The following DST variants were observed in gnomAD, a reference collection of about 807,000 sequenced individuals.
DST encodes the protein bullous pemphigoid antigen.
Under a neutral mutation model 875.2 loss-of-function variants are expected in DST, and 253 were observed. The ratio of observed to expected loss-of-function variants is 0.29; its 90% CI spans 0.26 to 0.32. The LOEUF (loss-of-function observed/expected upper bound fraction) is 0.32, where lower values mean the gene tolerates loss of function less well. Ranked by LOEUF, DST falls within the 10% of genes least tolerant of loss-of-function variation. The pLI is 1.00. For synonymous variants in DST, 3,124 were observed against 3,197.1 expected, an observed-to-expected ratio of 0.98 and a Z score of 0.77; for missense variants, 8,287 against 9,111.6, an observed-to-expected ratio of 0.91 and a Z score of 3.68.
intron 2 of DST, among the ~76,000 whole-genome samples, chr6:56,901,331 C>T (rs1032461636): frequency 6.6e-6 from 1 of 152,236 alleles, no homozygotes; most frequent in South Asian, 2.1e-4. Context: ...CACAATGGCT[C>T]ACGCCTGTAA....
At chr6:56,859,477 G>A (rs766222884) in intron 3 of DST, among the ~76,000 whole-genome samples, 19 of 152,008 alleles carry the variant, frequency 1.2e-4, no homozygotes, top group Non-Finnish European at 2.4e-4. Flanking sequence ...TTACATTTGA[G>A]TATCTACAAA....
chr6:56,492,224 T>C lies in DST; in HGVS notation c.20757+3A>G. 1.9e-6 allele frequency: 3 copies of C among 1,613,302 alleles called. No individual in the cohort carries two copies. The highest frequency in any genetic ancestry group is 2.5e-6 in the Non-Finnish European group (3 of 1,179,482). On this transcript the variant is annotated splice_donor_region_variant and intron_variant, in intron 85 of 103. Transcript: ENST00000680361. The stretch of plus-strand genomic sequence containing the variant: ...TCAGAGAATTTTTCTAAAGGGTTAT[T>C]ACCTGCTTGGCTCTCTTCCTTGCAT...
In DST at chr6:56,551,667, C is replaced by T. The variant is rs370552036; in HGVS notation, c.16608+517G>A. On this transcript the variant is annotated intron_variant, in intron 61 of 103. Coordinates refer to ENST00000680361, the MANE Select transcript of DST (RefSeq NM_001374736.1). ...AATCCTCTGGGGCATGAGCCTAAGA[C>T]CTTTGTTTAATGAAACAGATTACAA... Among the ~76,000 whole-genome samples, 8 of 152,066 alleles carry T rather than the reference C, an allele frequency of 5.3e-5. No homozygotes were observed. The East Asian group carries it at 9.6e-4, about 18-fold the overall frequency.
chr6:56,605,243 T>C lies in DST; in HGVS notation c.9385A>G (p.Lys3129Glu), dbSNP rs1356373781. Residue 3129 changes from lysine (K) to glutamate (E), a missense_variant, in exon 40 of 104, where the codon AAA becomes GAA. Transcript: ENST00000680361. ...AGATTCTCAAACTGAACAGGACTTTTACTAACTATTATTTGTAGATTATTT... is the reference window on the plus strand; with the variant it reads ...AGATTCTCAAACTGAACAGGACTTTCACTAACTATTATTTGTAGATTATTT... ...EPNNLQIIVS[K>E]SPVQFENLEE... 2.5e-6 allele frequency: 4 copies of C among 1,610,984 alleles called. No individual in the cohort carries two copies. The highest frequency in any genetic ancestry group is 2.7e-5 in the African/African-American group (2 of 74,852).
At chr6:56,770,580 C>A (rs1222029579) in intron 4 of DST, among the ~76,000 whole-genome samples, 1 of 152,162 alleles carries the variant, frequency 6.6e-6, no homozygotes, top group Non-Finnish European at 1.5e-5. Flanking sequence ...TTGGCATCCT[C>A]AGTCAATTTA....
chr6:56,589,421 A>C (rs1021584963), intron 49 of DST, among the ~76,000 whole-genome samples: 1 of 152,228 alleles, frequency 6.6e-6, no homozygotes, highest in African/African-American at 2.4e-5. Context: ...ACAGTATTCA[A>C]ATGGGTACCT....
intron 5 of DST, among the ~76,000 whole-genome samples, chr6:56,712,090 C>CAAAAAAAAAAAAAAAAAA (rs34769867): frequency 3.9e-5 from 3 of 76,520 alleles, no homozygotes; most frequent in African/African-American, 7.7e-5. Flanking sequence ...GACTCCGTCT[C>CAAAAAAAAAAAAAAAAAA]AAAAAAAAAA....
chr6:56,653,965 C>T (rs967845841), intron 10 of DST, among the ~76,000 whole-genome samples: 3 of 152,134 alleles, frequency 2.0e-5, no homozygotes, highest in Non-Finnish European at 4.4e-5. Flanking sequence ...TTCATTTCTT[C>T]GTAACATCTT....
At chr6:56,925,225 TG>T (rs1317766326) in intron 2 of DST, among the ~76,000 whole-genome samples, 4 of 152,054 alleles carry the variant, frequency 2.6e-5, no homozygotes, top group African/African-American at 9.7e-5. Flanking sequence ...ACACTAGTGT[TG>T]TTTTTTTTCA....
intron 3 of DST, chr6:56,871,776 T>TAAAAAAA (rs746142378): frequency 2.5e-3 from 238 of 94,878 alleles, no homozygotes; most frequent in African/African-American, 5.5e-3. Context: ...CAATTAAAAG[T>TAAAAAAA]AAAAAAAAAA....
chr6:56,656,283 G>A (rs1587915078), intron 10 of DST, among the ~76,000 whole-genome samples: 2 of 152,372 alleles, frequency 1.3e-5, no homozygotes, highest in East Asian at 3.9e-4. Context: ...AAGCAGGCAC[G>A]AAGTGAGGAC....
At chr6:56,880,792 AT>A (rs956674368) in intron 3 of DST, among the ~76,000 whole-genome samples, 2 of 150,742 alleles carry the variant, frequency 1.3e-5, no homozygotes, top group African/African-American at 4.9e-5. Context: ...ACATTGATTA[AT>A]GAAATACTTA....
At chr6:56,794,125 C>A (rs1481898542) in intron 4 of DST, among the ~76,000 whole-genome samples, 2 of 152,214 alleles carry the variant, frequency 1.3e-5, no homozygotes. Context: ...GCAGCATGAT[C>A]TGCCACCAAC....
chr6:56,627,980 G>A lies in DST; in HGVS notation c.4638+19C>T, dbSNP rs757521084. ...CAAATGCAGACATAACCTCAGTAGA[G>A]GGAATTATTTTTACATACCTTCTGT... On this transcript the variant is annotated intron_variant, in intron 33 of 103. Coordinates refer to ENST00000680361, the MANE Select transcript of DST (RefSeq NM_001374736.1). 6 of 1,611,800 alleles carry A rather than the reference G, an allele frequency of 3.7e-6. No homozygotes were observed. In the South Asian group the frequency reaches 5.5e-5, roughly 15 times the overall value.
intron 9 of DST, among the ~76,000 whole-genome samples, chr6:56,697,584 G>A (rs1588783579): frequency 6.6e-6 from 1 of 152,118 alleles, no homozygotes; most frequent in South Asian, 2.1e-4. Context: ...TAAGCTCAAA[G>A]TAGTAACATG....
intron 38 of DST, 84 bp from the exon 39 acceptor site, chr6:56,610,646 T>C (rs1221023034): frequency 8.4e-7 from 1 of 1,189,030 alleles, no homozygotes; most frequent in Non-Finnish European, 1.2e-6. Context: ...TTTTGTCATA[T>C]GATGGTAAAA....
chr6:56,672,072 A>T (rs1462547133), intron 9 of DST, among the ~76,000 whole-genome samples: 1 of 151,752 alleles, frequency 6.6e-6, no homozygotes, highest in Non-Finnish European at 1.5e-5. Context: ...GTAGAGAATT[A>T]AAAAAAAACT....
chr6:56,860,212 A>C (rs1466932573), intron 3 of DST, among the ~76,000 whole-genome samples: 1 of 152,164 alleles, frequency 6.6e-6, no homozygotes, highest in Non-Finnish European at 1.5e-5. Context: ...CCCTGGTGAC[A>C]TATGACTTTG....
At chr6:56,534,991 A>T in intron 63 of DST, 131 bp downstream of exon 63, 1 of 1,053,638 alleles carries the variant, frequency 9.5e-7, no homozygotes, top group South Asian at 1.6e-5. Context: ...AATGACTAAC[A>T]AAATAATGTC....
Sources: allele counts gnomAD v4.1 joint callset (sites outside exome capture counted in the v4.1 genomes callset), GRCh38; gene constraint gnomAD v4.1.1; transcripts MANE v1.5; gene names NCBI Gene and HGNC (gene_info 2026-07-23, HGNC 2026-07-21).